The following SLX4IP variants were observed in gnomAD, a reference collection of about 807,000 sequenced individuals.
SLX4IP encodes the protein protein SLX4IP.
In SLX4IP, 34 loss-of-function variants were observed where a neutral mutation model predicts 32.9. The ratio of observed to expected loss-of-function variants is 1.03; its 90% CI spans 0.79 to 1.38. SLX4IP has a LOEUF of 1.38. Ranked by LOEUF, SLX4IP falls within the 40% of genes most tolerant of loss-of-function variation. The pLI is 0.00. For synonymous variants in SLX4IP, 172 were observed against 171.7 expected (o/e 1.00, Z -0.01); for missense variants, 444 against 479.0 (o/e 0.93, Z 0.68).
At chr20:10,550,427 T>A (rs1056575807) in intron 2 of SLX4IP, among the ~76,000 whole-genome samples, 1 of 152,092 alleles carries the variant, frequency 6.6e-6, no homozygotes, top group South Asian at 2.1e-4. Context: ...TTGTCCTTCC[T>A]CTCCCTCACA....
intron 6 of SLX4IP, 140 bp from the exon 7 acceptor site, chr20:10,621,164 GTAAAAAAGGT>G: frequency 1.5e-6 from 1 of 665,182 alleles, no homozygotes; most frequent in Non-Finnish European, 2.6e-6. Context: ...AAAGTCCTAG[GTAAAAAAGGT>G]TAAAATAGCT....
Position 10,518,490 on chromosome 20 carries a change from TTTCCTTCCTTCCTTCCTTCCTTCC to T in SLX4IP, c.28-37702_28-37679del, listed in dbSNP as rs201990578. Among the ~76,000 whole-genome samples, 122 of 65,886 alleles carry T rather than the reference TTTCCTTCCTTCCTTCCTTCCTTCC, an allele frequency of 1.9e-3. 3 individuals carry two copies. Among genetic ancestry groups the T allele is most frequent in the African/African-American group, 3.8e-3 (80 of 20,982 alleles). 43.2% of individuals were successfully genotyped at this position (65,886 alleles called of 152,430 possible). On this transcript the variant is annotated intron_variant, in intron 2 of 7. Transcript: ENST00000334534. Reference sequence around the variant, plus strand: ...TTCCTTTCTTTTCCTTTCCTTTCCTTTTCCTTCCTTCCTTCCTTCCTTCCTTCCTTCCTTCCTTCCTTCCTTCCT... The same window carrying T: ...TTCCTTTCTTTTCCTTTCCTTTCCTTTTCCTTCCTTCCTTCCTTCCTTCCT...
chr20:10,603,713 G>T (rs1045556981), intron 6 of SLX4IP, among the ~76,000 whole-genome samples: 1 of 152,082 alleles, frequency 6.6e-6, no homozygotes, highest in Non-Finnish European at 1.5e-5. Context: ...TCATCTCGGG[G>T]CTCAAGCTCT....
At chr20:10,453,580 A>T (rs1396308484) in intron 1 of SLX4IP, among the ~76,000 whole-genome samples, 1 of 151,906 alleles carries the variant, frequency 6.6e-6, no homozygotes, top group Admixed American at 6.6e-5. Flanking sequence ...TTGCATAAGA[A>T]TTTTTTTTCT....
At chr20:10,447,582 T>C (rs2065211865) in intron 1 of SLX4IP, among the ~76,000 whole-genome samples, 1 of 152,208 alleles carries the variant, frequency 6.6e-6, no homozygotes, top group Non-Finnish European at 1.5e-5. Flanking sequence ...AAGCATTTTG[T>C]TACATTTTTG....
intron 2 of SLX4IP, among the ~76,000 whole-genome samples, chr20:10,534,086 G>A (rs927058421): frequency 6.6e-6 from 1 of 152,138 alleles, no homozygotes; most frequent in African/African-American, 2.4e-5. Flanking sequence ...GAGGCAGGGT[G>A]AGGGTGGTGG....
chr20:10,455,208 TA>T (rs1275444350), intron 1 of SLX4IP, among the ~76,000 whole-genome samples: 1 of 152,210 alleles, frequency 6.6e-6, no homozygotes, highest in Non-Finnish European at 1.5e-5. Context: ...TGGTTTGAAG[TA>T]TAAAAGTTTT....
chr20:10,455,783 G>A (rs1742968360), intron 1 of SLX4IP, among the ~76,000 whole-genome samples: 1 of 151,860 alleles, frequency 6.6e-6, no homozygotes, highest in South Asian at 2.1e-4. Context: ...CTAATTTTTT[G>A]TATTTTTAGT....
intron 2 of SLX4IP, among the ~76,000 whole-genome samples, chr20:10,482,991 C>T (rs529984163): frequency 1.4e-4 from 22 of 152,230 alleles, no homozygotes; most frequent in Middle Eastern, 6.8e-3. Context: ...ATTCACTGTT[C>T]ATGTTTATTC....
chr20:10,523,281 G>A (rs563632181), intron 2 of SLX4IP, among the ~76,000 whole-genome samples: 2 of 152,274 alleles, frequency 1.3e-5, no homozygotes, highest in South Asian at 2.1e-4. Context: ...CCTGGTGGAA[G>A]TTTATATGAA....
At chr20:10,594,119 C>T (rs77934257) in intron 4 of SLX4IP, among the ~76,000 whole-genome samples, 23 of 152,174 alleles carry the variant, frequency 1.5e-4, no homozygotes, top group Non-Finnish European at 2.9e-4. Context: ...GTATGAAATA[C>T]GGCAAAATAT....
intron 4 of SLX4IP, among the ~76,000 whole-genome samples, chr20:10,584,362 G>C (rs192019535): frequency 6.6e-6 from 1 of 152,078 alleles, no homozygotes; most frequent in Admixed American, 6.6e-5. Flanking sequence ...CCAGCTAAAG[G>C]CCTGTTTGTT....
At chr20:10,520,901 C>T (rs1380549735) in intron 2 of SLX4IP, among the ~76,000 whole-genome samples, 1 of 152,200 alleles carries the variant, frequency 6.6e-6, no homozygotes, top group Admixed American at 6.5e-5. Flanking sequence ...CAGAAGTGAG[C>T]ACTCTATAGA....
chr20:10,456,553 G>T (rs902856100), intron 1 of SLX4IP, among the ~76,000 whole-genome samples: 1 of 152,058 alleles, frequency 6.6e-6, no homozygotes, highest in Non-Finnish European at 1.5e-5. Context: ...TGTTGGCCAG[G>T]CTGGTCTCGA....
chr20:10,571,342 A>G (rs983665708), intron 4 of SLX4IP, among the ~76,000 whole-genome samples: 6 of 152,150 alleles, frequency 3.9e-5, no homozygotes, highest in Admixed American at 2.0e-4. Flanking sequence ...CCCAGGGACT[A>G]GGAGTCATTA....
chr20:10,590,921 C>G (rs1204416151), intron 4 of SLX4IP, among the ~76,000 whole-genome samples: 2 of 152,124 alleles, frequency 1.3e-5, no homozygotes, highest in African/African-American at 4.8e-5. Context: ...TACGTTGGCT[C>G]TCAGAGACAT....
At chr20:10,616,391 GAAATAAATAAATAAATAAAT>G (rs202239370) in intron 6 of SLX4IP, among the ~76,000 whole-genome samples, 3 of 131,566 alleles carry the variant, frequency 2.3e-5, no homozygotes, top group South Asian at 2.6e-4. Flanking sequence ...AAAAAAAAAT[GAAATAAATAAATAAATAAAT>G]AAATAAATAA....
At chr20:10,468,267 T>C (rs2065397266) in intron 2 of SLX4IP, among the ~76,000 whole-genome samples, 1 of 152,186 alleles carries the variant, frequency 6.6e-6, no homozygotes, top group South Asian at 2.1e-4. Flanking sequence ...TTCAAGCCTT[T>C]ATTGTCCTTG....
intron 2 of SLX4IP, among the ~76,000 whole-genome samples, chr20:10,536,080 A>G (rs566760605): frequency 6.6e-6 from 1 of 152,368 alleles, no homozygotes; most frequent in African/African-American, 2.4e-5. Flanking sequence ...ACCTGAATGT[A>G]GAATGGCTCT....
Sources: gnomAD v4.1 joint callset for allele counts (sites outside exome capture counted in the v4.1 genomes callset) on GRCh38, gnomAD v4.1.1 for gene constraint, MANE v1.5 for transcripts, NCBI Gene and HGNC (gene_info 2026-07-23, HGNC 2026-07-21) for gene names.